The following YWHAH variants were observed in gnomAD, a reference collection of about 807,000 sequenced individuals.
YWHAH encodes the protein 14-3-3 protein eta.
A neutral mutation model predicts 22.9 loss-of-function variants in YWHAH; 6 were observed. The observed-to-expected ratio is 0.26, with a 90% CI of 0.14 to 0.52. The LOEUF is 0.52. YWHAH is among the 20% of genes least tolerant of loss of function. The pLI is 0.97. For missense variants in YWHAH, 173 were observed against 308.6 expected (o/e 0.56, Z 3.29); for synonymous variants, 135 against 124.5 (o/e 1.08, Z -0.56).
rs555780012 is a variant in YWHAH at position 31,949,061 on chromosome 22, C to T, written c.87+4241C>T. Reference sequence around the variant, plus strand: ...GTAGCGTCACACTTTTCCAGAAATACGGTTTCGGAGAGGGTACCCCTAACG... The same window carrying T: ...GTAGCGTCACACTTTTCCAGAAATATGGTTTCGGAGAGGGTACCCCTAACG... On this transcript the variant is annotated intron_variant, in intron 1 of 1. Coordinates refer to ENST00000248975, the MANE Select transcript of YWHAH (RefSeq NM_003405.4). Among the ~76,000 whole-genome samples, 9 of 151,204 alleles carry T rather than the reference C, an allele frequency of 6.0e-5. No individual in the cohort carries two copies. The South Asian group carries it at 1.5e-3, about 25-fold the overall frequency.
intron 1 of YWHAH, chr22:31,945,237 T>G: frequency 8.8e-7 from 1 of 1,142,798 alleles, no homozygotes; most frequent in Non-Finnish European, 1.1e-6. Flanking sequence ...AATCACCTAG[T>G]AAGTGGCGCC....
chr22:31,944,629 C>T lies in YWHAH; in HGVS notation c.-105C>T. 10 of 881,354 alleles carry T rather than the reference C, an allele frequency of 1.1e-5. No individual in the cohort carries two copies. The highest frequency in any genetic ancestry group is 4.6e-5 in the East Asian group (1 of 21,908). 54.6% of individuals were successfully genotyped at this position (881,354 alleles called of 1,614,324 possible). On this transcript the variant is annotated 5_prime_UTR_variant, in exon 1 of 2. Transcript: ENST00000248975. ...TCCGGCCGGCCGGCGAGCCAGTGCGCGTGCGCGGCGGCGGCCTCCGCAGCG... is the reference window on the plus strand; with the variant it reads ...TCCGGCCGGCCGGCGAGCCAGTGCGTGTGCGCGGCGGCGGCCTCCGCAGCG...
chr22:31,956,673 C>T lies in YWHAH; in HGVS notation c.622C>T (p.Leu208=), dbSNP rs1417606897. 5 of 1,614,136 alleles carry T rather than the reference C, an allele frequency of 3.1e-6. No homozygotes were observed. The highest frequency in any genetic ancestry group is 4.2e-6 in the Non-Finnish European group (5 of 1,180,020). Residue 208 remains leucine (L), a synonymous_variant, in exon 2 of 2, where the codon CTG becomes TTG. Coordinates refer to ENST00000248975, the MANE Select transcript of YWHAH (RefSeq NM_003405.4). This position sits in a 1 kb window ranked among gnomAD's most constrained non-coding sequence, Gnocchi z 5.1. The part of the protein sequence containing the change: ...KQAFDDAIAE[L]DTLNEDSYKD... ...AGCCTTCGATGATGCCATAGCTGAG[C>T]TGGACACACTAAACGAGGATTCCTA...
intron 1 of YWHAH, among the ~76,000 whole-genome samples, chr22:31,953,929 TG>T (rs1366799033): frequency 4.6e-5 from 7 of 152,200 alleles, no homozygotes; most frequent in Non-Finnish European, 8.8e-5. Context: ...TTATTTTGTC[TG>T]GGGCTTGGGG....
rs1249627758 is a variant in YWHAH, at chr22:31,944,587, G to A, written c.-147G>A. Reference sequence around the variant, plus strand: ...GGCGCGAGCGGCGGCGCTGCCTGCAGCCTGCAGCCTGCAGCCTCCGGCCGG... The same window carrying A: ...GGCGCGAGCGGCGGCGCTGCCTGCAACCTGCAGCCTGCAGCCTCCGGCCGG... On this transcript the variant is annotated 5_prime_UTR_variant, in exon 1 of 2. Coordinates refer to ENST00000248975, the MANE Select transcript of YWHAH (RefSeq NM_003405.4). 3 of 349,712 alleles carry A rather than the reference G, an allele frequency of 8.6e-6. No homozygotes were observed. The highest frequency in any genetic ancestry group is 1.7e-4 in the East Asian group (2 of 11,924). 21.7% of individuals were successfully genotyped at this position (349,712 alleles called of 1,614,324 possible).
At chr22:31,952,246 C>T (rs1210172176) in intron 1 of YWHAH, among the ~76,000 whole-genome samples, 1 of 152,218 alleles carries the variant, frequency 6.6e-6, no homozygotes, top group Non-Finnish European at 1.5e-5. Context: ...GCATCCATTA[C>T]TCTGTGTTGC....
chr22:31,951,292 A>G (rs1212348524), intron 1 of YWHAH, among the ~76,000 whole-genome samples: 1 of 152,168 alleles, frequency 6.6e-6, no homozygotes, highest in Non-Finnish European at 1.5e-5. Context: ...TGATGTGGTT[A>G]TGTTTACTTA....
At chr22:31,947,366 C>T in intron 1 of YWHAH, 1 of 461,824 alleles carries the variant, frequency 2.2e-6, no homozygotes, top group Non-Finnish European at 4.5e-6. Flanking sequence ...TCAGTTTTGC[C>T]TTCAGTCTTC....
chr22:31,947,046 T>G (rs541212514), intron 1 of YWHAH, among the ~76,000 whole-genome samples: 2 of 152,184 alleles, frequency 1.3e-5, no homozygotes, highest in Non-Finnish European at 2.9e-5. Flanking sequence ...GGGGTCACTT[T>G]CCCTGCTAAC....
At position 31,944,731 on chromosome 22, in the gene YWHAH, G is replaced by C; in HGVS notation, c.-3G>C. ...CGCGAGGCGAGGCCGAGCCGCGAGC[G>C]ACATGGGGGACCGGGAGCAGCTGCT... On this transcript the variant is annotated 5_prime_UTR_variant, in exon 1 of 2. Transcript: ENST00000248975. The C allele has an allele frequency of 7.1e-7, 1 of 1,401,866 alleles. No homozygotes were observed. Among genetic ancestry groups the C allele is most frequent in the Non-Finnish European group, 9.3e-7 (1 of 1,070,328 alleles). 86.8% of individuals were successfully genotyped at this position (1,401,866 alleles called of 1,614,324 possible). A position where few individuals can be genotyped will look rare whatever the true frequency, so the allele number is the denominator to read the frequency against.
chr22:31,957,087 G>C lies in YWHAH; in HGVS notation c.*295G>C, dbSNP rs996404864. The C allele has an allele frequency of 1.0e-5, 3 of 287,160 alleles. No homozygotes were observed. The highest frequency in any genetic ancestry group is 6.5e-5 in the African/African-American group (3 of 45,868). 17.8% of individuals were successfully genotyped at this position (287,160 alleles called of 1,614,324 possible). A position where few individuals can be genotyped will look rare whatever the true frequency, so the allele number is the denominator to read the frequency against. The stretch of plus-strand genomic sequence containing the variant: ...ATGGGAAATCTAGGCGAAAGTAATG[G>C]GGAAGATTAGAAAGAATTAGCCAAC... On this transcript the variant is annotated 3_prime_UTR_variant, in exon 2 of 2. Coordinates refer to ENST00000248975, the MANE Select transcript of YWHAH (RefSeq NM_003405.4).
In YWHAH at chr22:31,944,621, C is replaced by T. The variant is rs556539407; in HGVS notation, c.-113C>T. 2.5e-5 allele frequency: 20 copies of T among 795,662 alleles called. No individual in the cohort carries two copies. The African/African-American group carries it at 3.5e-4, about 14-fold the overall frequency. The allele number at this position is 795,662 out of a possible 1,614,324, so 49.3% of individuals were successfully genotyped here. A position where few individuals can be genotyped will look rare whatever the true frequency, so the allele number is the denominator to read the frequency against. ...CTGCAGCCTCCGGCCGGCCGGCGAGCCAGTGCGCGTGCGCGGCGGCGGCCT... is the reference window on the plus strand; with the variant it reads ...CTGCAGCCTCCGGCCGGCCGGCGAGTCAGTGCGCGTGCGCGGCGGCGGCCT... On this transcript the variant is annotated 5_prime_UTR_variant, in exon 1 of 2. Coordinates refer to ENST00000248975, the MANE Select transcript of YWHAH (RefSeq NM_003405.4).
chr22:31,947,789 A>T (rs1204198559), intron 1 of YWHAH, among the ~76,000 whole-genome samples: 4 of 152,230 alleles, frequency 2.6e-5, no homozygotes, highest in African/African-American at 4.8e-5. Flanking sequence ...ATAAAGTGGG[A>T]TTAAATGTTA....
intron 1 of YWHAH, chr22:31,945,511 C>T (rs2149465998): frequency 7.7e-7 from 1 of 1,304,170 alleles, no homozygotes; most frequent in South Asian, 1.2e-5. Context: ...TGAGACGAAT[C>T]TGTGTGTCTT....
intron 1 of YWHAH, among the ~76,000 whole-genome samples, chr22:31,953,498 C>T (rs2093845871): frequency 6.6e-6 from 1 of 152,042 alleles, no homozygotes; most frequent in Non-Finnish European, 1.5e-5. Flanking sequence ...GACATGTGAC[C>T]CTCTGATGTG....
At chr22:31,945,600 T>C in intron 1 of YWHAH, 1 of 1,302,942 alleles carries the variant, frequency 7.7e-7, no homozygotes, top group Middle Eastern at 2.1e-4. Context: ...CCTAGCAAAA[T>C]ACCGTGGGTC....
chr22:31,944,788 C>T lies in YWHAH; in HGVS notation c.55C>T (p.Arg19Cys). The change falls in exon 1 of 2, where the codon CGC becomes TGC. Residue 19 changes from arginine to cysteine, a missense_variant. Arg to Cys is a radical substitution (Grantham distance 180). Coordinates refer to ENST00000248975, the MANE Select transcript of YWHAH (RefSeq NM_003405.4). ...GGCGCGGCTGGCCGAGCAGGCGGAG[C>T]GCTACGACGACATGGCCTCCGCTAT... ...QRARLAEQAE[R>C]YDDMASAMKA... 1.4e-6 allele frequency: 2 copies of T among 1,419,168 alleles called. No homozygotes were observed. The highest frequency in any genetic ancestry group is 9.3e-7 in the Non-Finnish European group (1 of 1,080,628). 87.9% of individuals were successfully genotyped at this position (1,419,168 alleles called of 1,614,324 possible). A position where few individuals can be genotyped will look rare whatever the true frequency, so the allele number is the denominator to read the frequency against.
Position 31,956,248 on chromosome 22 carries a change from T to C in YWHAH, c.197T>C (p.Ile66Thr). ...TCTTCCTGGAGGGTCATTAGCAGCA[T>C]TGAGCAGAAAACCATGGCTGATGGA... ...RRSSWRVISS[I>T]EQKTMADGNE... The change falls in exon 2 of 2, where the codon ATT becomes ACT. Residue 66 changes from isoleucine to threonine, a missense_variant. By Grantham distance (89) the Ile-to-Thr change is moderately conservative. Coordinates refer to ENST00000248975, the MANE Select transcript of YWHAH (RefSeq NM_003405.4). This position sits in a 1 kb window ranked among gnomAD's most constrained non-coding sequence, Gnocchi z 5.1. 1.2e-6 allele frequency: 2 copies of C among 1,614,132 alleles called. No homozygotes were observed. The highest frequency in any genetic ancestry group is 1.7e-6 in the Non-Finnish European group (2 of 1,180,038).
intron 1 of YWHAH, chr22:31,945,648 C>A: frequency 7.8e-7 from 1 of 1,288,392 alleles, no homozygotes. Context: ...GTTACCATCT[C>A]ACTCTCTCTC....
Sources: gnomAD v4.1 joint callset for allele counts (sites outside exome capture counted in the v4.1 genomes callset) on GRCh38, gnomAD v4.1.1 for gene constraint, Gnocchi (gnomAD v3.1) non-coding constraint, MANE v1.5 for transcripts, NCBI Gene and HGNC (gene_info 2026-07-23, HGNC 2026-07-21) for gene names.